Variants in CYP4A11 observed in about 807,000 individuals in gnomAD.
The protein encoded by CYP4A11 is cytochrome P450 4A11.
Under a neutral mutation model 57.7 loss-of-function variants are expected in CYP4A11, and 52 were observed. The ratio of observed to expected loss-of-function variants is 0.90; its 90% confidence interval spans 0.72 to 1.14. CYP4A11 has a LOEUF of 1.14. Among genes scored for constraint, CYP4A11 ranks in the 50% most tolerant of loss-of-function variants. CYP4A11 has a pLI of 0.00. For missense variants in CYP4A11, 641 were observed against 642.1 expected (o/e 1.00, Z 0.02); for synonymous variants, 228 against 247.1 (o/e 0.92, Z 0.72).
At chr1:46,937,423 G>A in intron 2 of CYP4A11, 77 bp from the exon 3 acceptor site, 6 of 1,491,770 alleles carry the variant, frequency 4.0e-6, no homozygotes, top group Non-Finnish European at 5.6e-6. Context: ...TCAATTCTTG[G>A]TGTCTGTCAG....
intron 2 of CYP4A11, 31 bp from the exon 3 acceptor site, chr1:46,937,377 C>T: frequency 6.2e-7 from 1 of 1,608,836 alleles, no homozygotes; most frequent in Non-Finnish European, 8.5e-7. Flanking sequence ...TTATAGGAAA[C>T]TAGGAGTTAC....
Position 46,935,605 on chromosome 1 carries a change from C to A in CYP4A11, c.553G>T (p.Val185Phe), listed in dbSNP as rs62618709. 28 of 1,613,808 alleles carry A rather than the reference C, an allele frequency of 1.7e-5. No individual in the cohort carries two copies. Among genetic ancestry groups the A allele is most frequent in the Middle Eastern group, 1.6e-4 (1 of 6,078 alleles). ...GTCATCAAGGAGACGTGCTGAAAGA[C>A]CTCCAGAGGGGAATCCTGGCCAAGG... ...ELLGQDSPLE[V>F]FQHVSLMTLD... The change falls in exon 5 of 12, where the codon GTC (valine) becomes TTC (phenylalanine). Residue 185 changes from valine to phenylalanine, a missense_variant. Physicochemically the swap from Val to Phe is conservative, Grantham distance 50. Transcript: ENST00000310638.
In CYP4A11 at chr1:46,930,443, A is replaced by C. The variant is rs9333033; in HGVS notation, c.1365-133T>G. The C allele has an allele frequency of 4.0e-6, 4 of 999,600 alleles. No individual in the cohort carries two copies. The South Asian group carries it at 7.1e-5, about 18-fold the overall frequency. 61.9% of individuals were successfully genotyped at this position (999,600 alleles called of 1,614,324 possible). On this transcript the variant is annotated intron_variant, in intron 11 of 11. Coordinates refer to ENST00000310638, the MANE Select transcript of CYP4A11 (RefSeq NM_000778.4). Reference sequence around the variant, plus strand: ...CCTCATGTGTCCAGCCCCTGCACACATACAGCCCATGGACACTTCTACCCC... The same window carrying C: ...CCTCATGTGTCCAGCCCCTGCACACCTACAGCCCATGGACACTTCTACCCC...
At position 46,929,973 on chromosome 1, in the gene CYP4A11, G is replaced by C; in HGVS notation, c.*142C>G. On this transcript the variant is annotated 3_prime_UTR_variant, in exon 12 of 12. Coordinates refer to ENST00000310638, the MANE Select transcript of CYP4A11 (RefSeq NM_000778.4). ...AAGCAGGTAGGGAGCCTGGAGAAAG[G>C]TGAGAGAGAGAAGGGCAGGCAGACT... is the stretch of plus-strand genomic sequence containing the variant. The C allele has an allele frequency of 8.9e-7, 1 of 1,125,644 alleles. No homozygotes were observed. The allele number at this position is 1,125,644 out of a possible 1,614,324, so 69.7% of individuals were successfully genotyped here.
chr1:46,937,868 G>A, intron 2 of CYP4A11, 128 bp downstream of exon 2: 2 of 1,391,868 alleles, frequency 1.4e-6, no homozygotes, highest in Non-Finnish European at 1.9e-6. Context: ...TGGTGGGCTT[G>A]GTGGATGCGT....
rs1681740599 is a variant in CYP4A11 at position 46,941,346 on chromosome 1, G to A, written c.88C>T (p.Leu30=). 1 of 1,614,168 alleles carries A rather than the reference G, an allele frequency of 6.2e-7. No individual in the cohort carries two copies. Among genetic ancestry groups the A allele is most frequent in the Admixed American group, 1.7e-5 (1 of 60,024 alleles). The change falls in exon 1 of 12, where the codon CTG becomes TTG. Residue 30 remains leucine, a synonymous_variant. Transcript: ENST00000310638. Reference sequence around the variant, plus strand: ...TAGAGCTGAACTGCCTTGATCAGCAGCAGAAGCAGAATGAGCAGGGAGGCC... The same window carrying A: ...TAGAGCTGAACTGCCTTGATCAGCAACAGAAGCAGAATGAGCAGGGAGGCC... ...QAASLLILLL[L]LIKAVQLYLH... is the part of the protein sequence containing the mutation.
rs778748836 is a variant in CYP4A11, at chr1:46,936,750, G to T, written c.424C>A (p.His142Asn). Residue 142 changes from histidine to asparagine, a missense_variant, in exon 4 of 12, where the codon CAT (histidine) becomes AAT (asparagine). By Grantham distance (68) the His-to-Asn change is moderately conservative. Coordinates refer to ENST00000310638, the MANE Select transcript of CYP4A11 (RefSeq NM_000778.4). ...AAGGCTGGGGTCAGCATCCGTCGAT[G>T]CTGGAACCATGTCTGCCCATTCAAC... Reference protein sequence around the residue: ...LLLNGQTWFQHRRMLTPAFHY... With the variant: ...LLLNGQTWFQNRRMLTPAFHY... 4 of 1,613,780 alleles carry T rather than the reference G, an allele frequency of 2.5e-6. No homozygotes were observed. Among genetic ancestry groups the T allele is most frequent in the Non-Finnish European group, 3.4e-6 (4 of 1,179,944 alleles).
At chr1:46,933,384 T>G (rs1274952888) in intron 9 of CYP4A11, among the ~76,000 whole-genome samples, 2 of 152,214 alleles carry the variant, frequency 1.3e-5, no homozygotes, top group Non-Finnish European at 2.9e-5. Context: ...ACGCTCCAAG[T>G]AAGACATTCT....
chr1:46,932,477 G>A, intron 11 of CYP4A11: 4 of 1,295,168 alleles, frequency 3.1e-6, no homozygotes, highest in Non-Finnish European at 3.9e-6. Flanking sequence ...CTTAAAGTGA[G>A]GAAAATACAT....
At chr1:46,941,118 G>T in intron 1 of CYP4A11, 121 bp downstream of exon 1, 1 of 1,451,670 alleles carries the variant, frequency 6.9e-7, no homozygotes, top group Non-Finnish European at 9.1e-7. Flanking sequence ...GGTAGGCTGG[G>T]TGTTCCTTTG....
At chr1:46,931,545 AAATGAATAAAATAT>A in intron 11 of CYP4A11, 1 of 747,482 alleles carries the variant, frequency 1.3e-6, no homozygotes, top group Non-Finnish European at 1.6e-6. Context: ...TTAAGTTTTA[AAATGAATAAAATAT>A]AATGAAATAC....
chr1:46,931,294 C>T (rs1281340400), intron 11 of CYP4A11, among the ~76,000 whole-genome samples: 1 of 152,198 alleles, frequency 6.6e-6, no homozygotes, highest in African/African-American at 2.4e-5. Context: ...GTAGCATTCA[C>T]GATTTATCCA....
chr1:46,933,958 A>G lies in CYP4A11; in HGVS notation c.1210T>C (p.Ser404Pro), dbSNP rs1681198725. 1 of 1,614,080 alleles carries G rather than the reference A, an allele frequency of 6.2e-7. No homozygotes were observed. Among genetic ancestry groups the G allele is most frequent in the African/African-American group, 1.3e-5 (1 of 75,010 alleles). Residue 404 changes from serine (S) to proline (P), a missense_variant, in exon 9 of 12, where the codon TCC becomes CCC. By Grantham distance (74) the Ser-to-Pro change is moderately conservative (BLOSUM62 -1). Transcript: ENST00000310638. The stretch of plus-strand genomic sequence containing the variant: ...GGGAACTTCATACCTTTGGGCAAGG[A>G]GCGCCCATCAGGGAAGGTGACGGGA... Reference protein sequence around the residue: ...STPVTFPDGRSLPKGIMVLLS... With the variant: ...STPVTFPDGRPLPKGIMVLLS...
At chr1:46,933,413 G>A (rs1681157880) in intron 9 of CYP4A11, among the ~76,000 whole-genome samples, 1 of 152,094 alleles carries the variant, frequency 6.6e-6, no homozygotes, top group Admixed American at 6.5e-5. Context: ...CAGTTTTCAG[G>A]GGAGATACCT....
At chr1:46,931,043 C>T (rs1312408385) in intron 11 of CYP4A11, among the ~76,000 whole-genome samples, 2 of 152,206 alleles carry the variant, frequency 1.3e-5, no homozygotes, top group Non-Finnish European at 2.9e-5. Flanking sequence ...AGCTCAGACC[C>T]TCCCACGCTC....
At chr1:46,941,052 A>T (rs1479037683) in intron 1 of CYP4A11, 187 bp downstream of exon 1, 2 of 960,850 alleles carry the variant, frequency 2.1e-6, no homozygotes, top group East Asian at 1.2e-4. Context: ...GACCAGCAGG[A>T]TGGGCTTCAT....
Position 46,930,094 on chromosome 1 carries a change from C to T in CYP4A11, c.*21G>A, listed in dbSNP as rs753544364. ...GGGACAGAAGCGGGGGTCAGGAAGA[C>T]AGGACGGCAGGTGGAGGCCCTCAAA... On this transcript the variant is annotated 3_prime_UTR_variant, in exon 12 of 12. Coordinates refer to ENST00000310638, the MANE Select transcript of CYP4A11 (RefSeq NM_000778.4). 4 of 1,594,808 alleles carry T rather than the reference C, an allele frequency of 2.5e-6. No individual in the cohort carries two copies. Among genetic ancestry groups the T allele is most frequent in the African/African-American group, 1.3e-5 (1 of 74,636 alleles).
intron 11 of CYP4A11, chr1:46,931,532 A>G: frequency 1.3e-6 from 1 of 778,654 alleles, no homozygotes; most frequent in Non-Finnish European, 1.6e-6. Flanking sequence ...TATTTGAATG[A>G]TGTTAAGTTT....
intron 1 of CYP4A11, among the ~76,000 whole-genome samples, chr1:46,939,656 T>C (rs1286415691): frequency 6.6e-6 from 1 of 152,082 alleles, no homozygotes; most frequent in Non-Finnish European, 1.5e-5. Context: ...GGATAGCTCA[T>C]GGAAAAAAGA....
Sources: gnomAD v4.1 joint callset for allele counts (sites outside exome capture counted in the v4.1 genomes callset) on GRCh38, gnomAD v4.1.1 for gene constraint, MANE v1.5 for transcripts, NCBI Gene and HGNC (gene_info 2026-07-23, HGNC 2026-07-21) for gene names.